Variants in SHISA6 observed in about 807,000 individuals in gnomAD.
SHISA6 encodes the protein shisa family member 6.
A neutral mutation model predicts 47.9 loss-of-function variants in SHISA6; 22 were observed. The observed-to-expected ratio is 0.46, with a 90% CI of 0.33 to 0.66. The LOEUF is 0.66. SHISA6 is among the 30% of genes least tolerant of loss of function. The pLI is 0.02. For missense variants in SHISA6, 680 were observed against 764.6 expected (o/e 0.89, Z 1.30); for synonymous variants, 388 against 337.8 (o/e 1.15, Z -1.63).
chr17:11,328,326 G>A (rs1381434910), intron 2 of SHISA6, among the ~76,000 whole-genome samples: 1 of 152,102 alleles, frequency 6.6e-6, no homozygotes, highest in African/African-American at 2.4e-5. Context: ...TTTCCCTAAT[G>A]GTTGCTTTGT....
At chr17:11,531,370 A>C (rs1317873660) in intron 3 of SHISA6, among the ~76,000 whole-genome samples, 1 of 152,076 alleles carries the variant, frequency 6.6e-6, no homozygotes. Flanking sequence ...CACGATTCTC[A>C]GAGCAGGTTA....
intron 2 of SHISA6, among the ~76,000 whole-genome samples, chr17:11,371,874 A>G (rs186335957): frequency 1.2e-3 from 190 of 152,186 alleles, no homozygotes; most frequent in African/African-American, 3.7e-3. Flanking sequence ...CCTCCCTCCC[A>G]TCAGCCCCAC....
At chr17:11,554,720 G>A (rs956555900) in intron 4 of SHISA6, among the ~76,000 whole-genome samples, 7 of 152,208 alleles carry the variant, frequency 4.6e-5, no homozygotes, top group Admixed American at 1.3e-4. Flanking sequence ...GCCACTCATT[G>A]ACTTGTTGTG....
At chr17:11,357,573 T>G (rs1457906525) in intron 2 of SHISA6, among the ~76,000 whole-genome samples, 7 of 152,204 alleles carry the variant, frequency 4.6e-5, no homozygotes, top group Non-Finnish European at 1.0e-4. Context: ...TACAAACCTT[T>G]TGTTCACTTA....
At chr17:11,490,103 G>A (rs572874532) in intron 3 of SHISA6, among the ~76,000 whole-genome samples, 1 of 152,286 alleles carries the variant, frequency 6.6e-6, no homozygotes, top group African/African-American at 2.4e-5. Flanking sequence ...AGAGTCAGGG[G>A]AGAAGGACAT....
At chr17:11,464,799 G>A (rs3111842) in intron 3 of SHISA6, among the ~76,000 whole-genome samples, 30,971 of 151,974 alleles carry the variant, frequency 0.2, 5,441 homozygotes, top group African/African-American at 0.48. Context: ...AAAATTAGCC[G>A]GGAGTGGTGG....
At chr17:11,352,575 G>T (rs943919163) in intron 2 of SHISA6, among the ~76,000 whole-genome samples, 3 of 152,176 alleles carry the variant, frequency 2.0e-5, no homozygotes, top group African/African-American at 7.2e-5. Flanking sequence ...ATACCCACAG[G>T]GTAATGGTTG....
chr17:11,336,580 C>A (rs377692607), intron 2 of SHISA6, among the ~76,000 whole-genome samples: 1 of 152,182 alleles, frequency 6.6e-6, no homozygotes, highest in African/African-American at 2.4e-5. Context: ...CAACGTCACA[C>A]GCCTGGGGCT....
chr17:11,273,699 A>G (rs1474274019), intron 2 of SHISA6, among the ~76,000 whole-genome samples: 2 of 151,932 alleles, frequency 1.3e-5, no homozygotes, highest in African/African-American at 4.8e-5. Flanking sequence ...AGTAGATAGG[A>G]GGCTACAGCG....
At chr17:11,358,828 T>G (rs1597474790) in intron 2 of SHISA6, among the ~76,000 whole-genome samples, 1 of 151,916 alleles carries the variant, frequency 6.6e-6, no homozygotes, top group South Asian at 2.1e-4. Flanking sequence ...CCTGGCAAAT[T>G]TTTGTATTTT....
intron 3 of SHISA6, among the ~76,000 whole-genome samples, chr17:11,531,440 C>G (rs1274524636): frequency 2.6e-5 from 4 of 152,052 alleles, no homozygotes; most frequent in Admixed American, 2.6e-4. Flanking sequence ...AGAAACAGCT[C>G]AGATACGGTT....
At chr17:11,252,242 G>C (rs1305632132) in intron 1 of SHISA6, among the ~76,000 whole-genome samples, 1 of 152,158 alleles carries the variant, frequency 6.6e-6, no homozygotes, top group Non-Finnish European at 1.5e-5. Context: ...AAGAGTCGCT[G>C]CTTTCTGCAG....
intron 3 of SHISA6, among the ~76,000 whole-genome samples, chr17:11,414,517 C>T (rs1047127197): frequency 6.6e-6 from 1 of 152,172 alleles, no homozygotes; most frequent in African/African-American, 2.4e-5. Context: ...TCAGTCATGG[C>T]AAAACCTTGC....
intron 2 of SHISA6, among the ~76,000 whole-genome samples, chr17:11,293,538 G>A (rs4791461): frequency 0.91 from 138,545 of 152,138 alleles, 63,139 homozygotes; most frequent in East Asian, 1. Flanking sequence ...GGGCATCCTC[G>A]GAAGTACTGA....
chr17:11,243,697 G>A (rs1360904934), intron 1 of SHISA6, among the ~76,000 whole-genome samples: 4 of 152,198 alleles, frequency 2.6e-5, no homozygotes, highest in Non-Finnish European at 5.9e-5. Context: ...GTGCTGTCCT[G>A]AAGCAGATGT....
rs374571214 is a variant in SHISA6 at position 11,544,961 on chromosome 17, C to CAAAA, written c.896-6917_896-6914dup. ...GGGCAACAGAGAAAGACTCTCTCTCCAAAAAAAAAAAAAAAAAAAAATTAA... is the reference window on the plus strand; with the variant it reads ...GGGCAACAGAGAAAGACTCTCTCTCCAAAAAAAAAAAAAAAAAAAAAAAAATTAA... On this transcript the variant is annotated intron_variant, in intron 3 of 5. Transcript: ENST00000441885. Among the ~76,000 whole-genome samples the CAAAA allele has an allele frequency of 6.0e-3, 378 of 62,582 alleles. 1 individual carries two copies. The highest frequency in any genetic ancestry group is 0.02 in the African/African-American group (351 of 17,286). The allele number at this position is 62,582 out of a possible 152,430, so 41.1% of individuals were successfully genotyped here.
intron 3 of SHISA6, among the ~76,000 whole-genome samples, chr17:11,386,045 T>C (rs543501803): frequency 1.3e-5 from 2 of 152,234 alleles, no homozygotes; most frequent in Non-Finnish European, 2.9e-5. Context: ...TGGGATGTGC[T>C]CATTACCTGG....
intron 3 of SHISA6, among the ~76,000 whole-genome samples, chr17:11,450,811 G>A (rs767031301): frequency 2.6e-5 from 4 of 152,022 alleles, no homozygotes; most frequent in Non-Finnish European, 5.9e-5. Context: ...GAACCAATTG[G>A]TCGATGGTTA....
At chr17:11,350,825 A>G (rs1352131362) in intron 2 of SHISA6, among the ~76,000 whole-genome samples, 2 of 152,198 alleles carry the variant, frequency 1.3e-5, no homozygotes, top group Non-Finnish European at 2.9e-5. Flanking sequence ...TCATTCTACT[A>G]TGAAGACACA....
Sources: gnomAD v4.1 joint callset for allele counts (sites outside exome capture counted in the v4.1 genomes callset) on GRCh38, gnomAD v4.1.1 for gene constraint, MANE v1.5 for transcripts, NCBI Gene and HGNC (gene_info 2026-07-23, HGNC 2026-07-21) for gene names.